ADGRL3: variants seen among roughly 807,000 people sequenced by gnomAD.
ADGRL3 encodes calcium-independent alpha-latrotoxin receptor 3.
ADGRL3 carries 62 observed loss-of-function variants against 153.5 expected under a neutral mutation model. The observed-to-expected ratio is 0.40, with a 90% CI of 0.33 to 0.50. The LOEUF is 0.50. ADGRL3 is among the 20% of genes least tolerant of loss of function. The probability of loss-of-function intolerance (pLI) is 0.47; values close to 1 mark genes in which losing one functional copy is unlikely to be tolerated. For missense variants in ADGRL3, 1,641 were observed against 1,859.4 expected (o/e 0.88, Z 2.16); for synonymous variants, 710 against 672.5 (o/e 1.06, Z -0.86).
intron 8 of ADGRL3, among the ~76,000 whole-genome samples, chr4:61,753,850 T>C (rs1000723963): frequency 1.3e-5 from 2 of 152,178 alleles, no homozygotes; most frequent in African/African-American, 4.8e-5. Context: ...CTTTTTTGAA[T>C]TTGCTTCCCT....
At chr4:61,300,341 A>G (rs1022589201) in intron 1 of ADGRL3, among the ~76,000 whole-genome samples, 21 of 152,118 alleles carry the variant, frequency 1.4e-4, no homozygotes, top group African/African-American at 5.1e-4. Context: ...TCAAACTGGA[A>G]TGGGCCAGTC....
At chr4:61,999,396 G>C (rs1471421838) in intron 21 of ADGRL3, among the ~76,000 whole-genome samples, 1 of 152,082 alleles carries the variant, frequency 6.6e-6, no homozygotes, top group African/African-American at 2.4e-5. Flanking sequence ...TGCAGTCCTT[G>C]ATATAACAAA....
At chr4:61,571,789 A>G (rs1279698398) in intron 4 of ADGRL3, among the ~76,000 whole-genome samples, 1 of 152,220 alleles carries the variant, frequency 6.6e-6, no homozygotes, top group African/African-American at 2.4e-5. Context: ...AATTCCAATG[A>G]GAGAAATTCA....
intron 3 of ADGRL3, among the ~76,000 whole-genome samples, chr4:61,512,397 C>T (rs889079753): frequency 1.3e-5 from 2 of 152,030 alleles, no homozygotes; most frequent in Non-Finnish European, 2.9e-5. Flanking sequence ...AGAAACTCAA[C>T]CCAAAATTTC....
chr4:61,610,631 A>G (rs1301367351), intron 5 of ADGRL3, among the ~76,000 whole-genome samples: 1 of 152,202 alleles, frequency 6.6e-6, no homozygotes, highest in Non-Finnish European at 1.5e-5. Flanking sequence ...TCAAGTGGCT[A>G]GAGAATGTCA....
chr4:61,764,344 C>T (rs962300137), intron 8 of ADGRL3, among the ~76,000 whole-genome samples: 1 of 149,818 alleles, frequency 6.7e-6, no homozygotes, highest in Non-Finnish European at 1.5e-5. Flanking sequence ...AGGGTGGGGC[C>T]GTTTTATAGG....
intron 1 of ADGRL3, among the ~76,000 whole-genome samples, chr4:61,360,035 A>C (rs912246234): frequency 3.9e-5 from 6 of 152,164 alleles, no homozygotes; most frequent in Admixed American, 3.9e-4. Context: ...TCTATGGAAT[A>C]AAATGTCTTC....
intron 9 of ADGRL3, among the ~76,000 whole-genome samples, chr4:61,820,589 A>G (rs1352754045): frequency 6.6e-6 from 1 of 152,232 alleles, no homozygotes; most frequent in African/African-American, 2.4e-5. Flanking sequence ...TATTATTTTT[A>G]AAACTTTCAT....
At chr4:61,434,811 T>A (rs967594535) in intron 2 of ADGRL3, among the ~76,000 whole-genome samples, 1 of 152,126 alleles carries the variant, frequency 6.6e-6, no homozygotes, top group East Asian at 1.9e-4. Context: ...ACTCACAGCT[T>A]GTTTTAACTG....
chr4:61,456,403 CTATATATATATAGATA>C (rs2097745784), intron 2 of ADGRL3, among the ~76,000 whole-genome samples: 1 of 59,314 alleles, frequency 1.7e-5, no homozygotes, highest in African/African-American at 5.7e-5. Flanking sequence ...ATATCTATAT[CTATATATATATAGATA>C]TATCTATATC....
intron 2 of ADGRL3, among the ~76,000 whole-genome samples, chr4:61,436,633 G>GA (rs1406809441): frequency 6.6e-6 from 1 of 152,154 alleles, no homozygotes; most frequent in Non-Finnish European, 1.5e-5. Flanking sequence ...CCTAGCACTG[G>GA]AGGTTGCTCA....
chr4:61,875,755 A>G (rs2098471306), intron 9 of ADGRL3, among the ~76,000 whole-genome samples: 1 of 152,236 alleles, frequency 6.6e-6, no homozygotes, highest in Non-Finnish European at 1.5e-5. Flanking sequence ...CTTTTCAGAT[A>G]CTATTTTATC....
chr4:61,234,094 T>C (rs1179789266), intron 1 of ADGRL3, among the ~76,000 whole-genome samples: 1 of 152,082 alleles, frequency 6.6e-6, no homozygotes, highest in Non-Finnish European at 1.5e-5. Flanking sequence ...AGAGGTAGAA[T>C]TGGGCTAGAG....
chr4:61,471,628 G>T (rs1377681996), intron 2 of ADGRL3, among the ~76,000 whole-genome samples: 2 of 151,844 alleles, frequency 1.3e-5, no homozygotes, highest in Non-Finnish European at 1.5e-5. Context: ...GGACTACATT[G>T]AATTTTAAGA....
chr4:61,929,800 C>T lies in ADGRL3; in HGVS notation c.2113-5040C>T, dbSNP rs376012190. 2.0e-5 allele frequency among the ~76,000 whole-genome samples: 3 copies of T among 152,194 alleles called. No individual in the cohort carries two copies. The East Asian group carries it at 5.8e-4, about 30-fold the overall frequency. ...AGGATGGGGGGATTCCCCTCCCCGC[C>T]CCCCAGTTGTGCTAATAATGGAAGA... is the stretch of plus-strand genomic sequence containing the variant. On this transcript the variant is annotated intron_variant, in intron 13 of 26. Coordinates refer to ENST00000683033, the MANE Select transcript of ADGRL3 (RefSeq NM_001387552.1).
At chr4:61,761,614 C>T (rs2152200806) in intron 8 of ADGRL3, among the ~76,000 whole-genome samples, 2 of 152,214 alleles carry the variant, frequency 1.3e-5, no homozygotes. Context: ...AGCAACAAAG[C>T]AAGATCCCGT....
At chr4:61,493,110 T>C (rs1291425635) in intron 2 of ADGRL3, among the ~76,000 whole-genome samples, 24 of 152,184 alleles carry the variant, frequency 1.6e-4, no homozygotes, top group Admixed American at 1.4e-3. Context: ...AGTGGTGATA[T>C]ATATTTCTGT....
At chr4:61,789,432 G>A (rs910899778) in intron 8 of ADGRL3, among the ~76,000 whole-genome samples, 4 of 152,032 alleles carry the variant, frequency 2.6e-5, no homozygotes, top group Non-Finnish European at 2.9e-5. Flanking sequence ...TAAAGCAATT[G>A]CTTTGAGTAT....
At position 61,893,200 on chromosome 4, in the gene ADGRL3, G is replaced by A. The variant is rs1480211868; in HGVS notation, c.1783+242G>A. ...CAACATATTTTATTACTTCACATTTGACTAAATTCTGAACTCAGCTAAATT... is the reference window on the plus strand; with the variant it reads ...CAACATATTTTATTACTTCACATTTAACTAAATTCTGAACTCAGCTAAATT... On this transcript the variant is annotated intron_variant, in intron 10 of 26. Coordinates refer to ENST00000683033, the MANE Select transcript of ADGRL3 (RefSeq NM_001387552.1). Among the ~76,000 whole-genome samples the A allele has an allele frequency of 4.2e-5, 6 of 143,244 alleles. No individual in the cohort carries two copies. The Admixed American group carries it at 4.3e-4, about 10-fold the overall frequency. 94.0% of individuals were successfully genotyped at this position (143,244 alleles called of 152,430 possible). A position where few individuals can be genotyped will look rare whatever the true frequency, so the allele number is the denominator to read the frequency against.
Sources: allele counts gnomAD v4.1 joint callset (sites outside exome capture counted in the v4.1 genomes callset), GRCh38; gene constraint gnomAD v4.1.1; transcripts MANE v1.5; gene names NCBI Gene and HGNC (gene_info 2026-07-23, HGNC 2026-07-21).